Variants in PIGK observed in about 807,000 individuals in gnomAD.
PIGK encodes phosphatidylinositol glycan anchor biosynthesis class K.
In PIGK, 42 loss-of-function variants were observed where a neutral mutation model predicts 50.6. That is an observed-to-expected ratio of 0.83 (90% CI 0.65 to 1.07). PIGK has a LOEUF of 1.07. Among genes scored for constraint, PIGK ranks in the 50% least tolerant of loss-of-function variants. PIGK has a pLI of 0.00. For missense variants in PIGK, 448 were observed against 488.7 expected (o/e 0.92, Z 0.78); for synonymous variants, 151 against 156.0 (o/e 0.97, Z 0.24).
chr1:77,107,648 A>G (rs1261230720), intron 10 of PIGK, among the ~76,000 whole-genome samples: 2 of 151,968 alleles, frequency 1.3e-5, no homozygotes, highest in Non-Finnish European at 2.9e-5. Flanking sequence ...TATCCTTGTT[A>G]ACTTTCTGTC....
chr1:77,093,507 T>C (rs1653342904), intron 10 of PIGK, among the ~76,000 whole-genome samples: 2 of 152,176 alleles, frequency 1.3e-5, no homozygotes. Context: ...TTAGTCATCA[T>C]GTATAATGTC....
At chr1:77,138,135 G>A (rs1654564457) in intron 9 of PIGK, among the ~76,000 whole-genome samples, 3 of 152,204 alleles carry the variant, frequency 2.0e-5, no homozygotes, top group Admixed American at 2.0e-4. Context: ...CCTATGATAA[G>A]GTTATGTTAT....
chr1:77,112,706 C>T (rs1302157567), intron 10 of PIGK, among the ~76,000 whole-genome samples: 3 of 151,984 alleles, frequency 2.0e-5, no homozygotes, highest in African/African-American at 7.2e-5. Flanking sequence ...CTGTATAATG[C>T]ACCTTTTTTT....
chr1:77,199,661 C>A (rs1325954619), intron 3 of PIGK, among the ~76,000 whole-genome samples: 1 of 151,118 alleles, frequency 6.6e-6, no homozygotes, highest in African/African-American at 2.4e-5. Flanking sequence ...AATCAGTGAC[C>A]ACCCTAATCA....
rs535800109 is a variant in PIGK at position 77,209,491 on chromosome 1, A to T, written c.147+945T>A. ...CAGCAGTCAAAAAGTTAAGATAAAA[A>T]TTAAGAATACATAGCTGACTTGAAT... On this transcript the variant is annotated intron_variant, in intron 2 of 10. Transcript: ENST00000370812. 1.3e-4 allele frequency among the ~76,000 whole-genome samples: 20 copies of T among 152,288 alleles called. No individual in the cohort carries two copies. In the South Asian group the frequency reaches 2.7e-3, roughly 20 times the overall value.
intron 2 of PIGK, among the ~76,000 whole-genome samples, chr1:77,207,460 T>C (rs998169499): frequency 3.3e-5 from 5 of 152,208 alleles, no homozygotes; most frequent in South Asian, 2.1e-4. Flanking sequence ...GCTTCCTTTA[T>C]TGTGAGAAAC....
At chr1:77,172,197 T>C (rs1655379732) in intron 3 of PIGK, among the ~76,000 whole-genome samples, 2 of 151,498 alleles carry the variant, frequency 1.3e-5, no homozygotes, top group Non-Finnish European at 2.9e-5. Flanking sequence ...ACTTAATAGG[T>C]AGACAAGATT....
At chr1:77,191,891 T>C (rs867483040) in intron 3 of PIGK, among the ~76,000 whole-genome samples, 2 of 152,186 alleles carry the variant, frequency 1.3e-5, no homozygotes, top group South Asian at 2.1e-4. Context: ...CCAGGCATGG[T>C]GATACCTGAG....
chr1:77,190,443 T>G (rs1655877500), intron 3 of PIGK, among the ~76,000 whole-genome samples: 1 of 152,066 alleles, frequency 6.6e-6, no homozygotes, highest in Non-Finnish European at 1.5e-5. Context: ...TAATGATATG[T>G]TTTTGTCTTA....
At chr1:77,163,235 T>C (rs1655167291) in intron 6 of PIGK, among the ~76,000 whole-genome samples, 1 of 152,198 alleles carries the variant, frequency 6.6e-6, no homozygotes, top group African/African-American at 2.4e-5. Context: ...TCCATTAGAT[T>C]GTAAACACTT....
intron 9 of PIGK, among the ~76,000 whole-genome samples, chr1:77,127,930 A>G (rs1341960773): frequency 6.6e-6 from 1 of 152,228 alleles, no homozygotes; most frequent in Non-Finnish European, 1.5e-5. Context: ...TAGTTATATA[A>G]TAGATAACAC....
chr1:77,154,478 C>T lies in PIGK; in HGVS notation c.957G>A (p.Leu319=). The change falls in exon 9 of 11, where the codon TTG becomes TTA. Residue 319 remains leucine, a synonymous_variant. Coordinates refer to ENST00000370812, the MANE Select transcript of PIGK (RefSeq NM_005482.3). ...KVEITTETIK[L]QQDSEIMESS... is the part of the protein sequence containing the mutation. ...TTTCCATGATTTCTGAATCCTGTTG[C>T]AATTTAATAGTCTCTGTTGTAATTT... 6.2e-7 allele frequency: 1 copy of T among 1,611,048 alleles called. No individual in the cohort carries two copies. The highest frequency in any genetic ancestry group is 8.5e-7 in the Non-Finnish European group (1 of 1,178,110).
At chr1:77,219,273 G>A (rs773536272) in intron 1 of PIGK, 37 bp downstream of exon 1, 2 of 1,553,922 alleles carry the variant, frequency 1.3e-6, no homozygotes, top group South Asian at 1.1e-5. Context: ...GCTCACAGCC[G>A]GCCTCCCGGC....
chr1:77,208,570 T>A (rs962163979), intron 2 of PIGK, among the ~76,000 whole-genome samples: 1 of 152,188 alleles, frequency 6.6e-6, no homozygotes, highest in Non-Finnish European at 1.5e-5. Flanking sequence ...GTTTATCCTG[T>A]CAAATTGGTA....
intron 3 of PIGK, among the ~76,000 whole-genome samples, chr1:77,172,070 A>ATTTTTTTTTTTTTTTTTTTTTTT (rs34115617): frequency 2.3e-5 from 3 of 130,938 alleles, no homozygotes; most frequent in South Asian, 2.5e-4. Flanking sequence ...TCTACATTTA[A>ATTTTTTTTTTTTTTTTTTTTTTT]TTTTTTTTTT....
chr1:77,212,534 A>G (rs1656443671), intron 1 of PIGK, among the ~76,000 whole-genome samples: 2 of 152,172 alleles, frequency 1.3e-5, no homozygotes, highest in South Asian at 2.1e-4. Context: ...CACAAGTGTA[A>G]AGACCCAAGT....
chr1:77,188,118 G>A lies in PIGK; in HGVS notation c.239+18522C>T, dbSNP rs567318177. ...TGTGTGTTTGAGCAATATGAAATGT[G>A]GGCATCTTGAAAAAAGAACAGGATA... On this transcript the variant is annotated intron_variant, in intron 3 of 10. Coordinates refer to ENST00000370812, the MANE Select transcript of PIGK (RefSeq NM_005482.3). Among the ~76,000 whole-genome samples the A allele has an allele frequency of 3.3e-5, 5 of 152,258 alleles. No individual in the cohort carries two copies. In the South Asian group the frequency reaches 1.0e-3, roughly 32 times the overall value.
chr1:77,197,805 G>C lies in PIGK; in HGVS notation c.239+8835C>G, dbSNP rs115288254. Among the ~76,000 whole-genome samples the C allele has an allele frequency of 2.7e-3, 417 of 152,174 alleles. 1 individual carries two copies. The highest frequency in any genetic ancestry group is 9.2e-3 in the African/African-American group (384 of 41,534). ...CCCATCTAAGTTGTCATATTCTTAT[G>C]TTTACACAATCCTTGAAAGCACCTG... On this transcript the variant is annotated intron_variant, in intron 3 of 10. Transcript: ENST00000370812.
At chr1:77,150,542 T>C (rs1654874609) in intron 9 of PIGK, among the ~76,000 whole-genome samples, 1 of 148,678 alleles carries the variant, frequency 6.7e-6, no homozygotes, top group Non-Finnish European at 1.5e-5. Flanking sequence ...CTAAAAAGTA[T>C]ATAAAAGATC....
Sources: gnomAD v4.1 joint callset for allele counts (sites outside exome capture counted in the v4.1 genomes callset) on GRCh38, gnomAD v4.1.1 for gene constraint, MANE v1.5 for transcripts, NCBI Gene and HGNC (gene_info 2026-07-23, HGNC 2026-07-21) for gene names.